TMTC2: variants seen among roughly 807,000 people sequenced by gnomAD.
TMTC2 encodes the protein protein O-mannosyl-transferase TMTC2.
Under a neutral mutation model 82.4 loss-of-function variants are expected in TMTC2, and 43 were observed. That is an observed-to-expected ratio of 0.52 (90% CI 0.41 to 0.67). The LOEUF is 0.67. Ranked by LOEUF, TMTC2 falls within the 30% of genes least tolerant of loss-of-function variation. TMTC2 has a pLI of 0.00. For synonymous variants in TMTC2, 408 were observed against 381.9 expected (o/e 1.07, Z -0.80); for missense variants, 919 against 1,012.4 (o/e 0.91, Z 1.25).
chr12:83,036,294 T>G (rs1056052416), intron 9 of TMTC2, among the ~76,000 whole-genome samples: 3 of 152,086 alleles, frequency 2.0e-5, no homozygotes, highest in African/African-American at 7.2e-5. Flanking sequence ...ATTGTAAAAA[T>G]AGTAGTTTAA....
At chr12:82,955,672 G>T (rs548369903) in intron 4 of TMTC2, among the ~76,000 whole-genome samples, 3 of 152,096 alleles carry the variant, frequency 2.0e-5, no homozygotes, top group Admixed American at 1.3e-4. Flanking sequence ...TTAGGTCTTA[G>T]AAATAGTAGT....
chr12:82,991,934 A>G (rs1879419664), intron 8 of TMTC2, among the ~76,000 whole-genome samples: 1 of 152,190 alleles, frequency 6.6e-6, no homozygotes, highest in Non-Finnish European at 1.5e-5. Flanking sequence ...TAAAATTAAT[A>G]TTGACTTAAA....
intron 7 of TMTC2, among the ~76,000 whole-genome samples, chr12:82,983,118 A>G (rs963833691): frequency 1.3e-5 from 2 of 152,052 alleles, no homozygotes; most frequent in Non-Finnish European, 2.9e-5. Context: ...GTGTGGAGTA[A>G]GAGGAGTGGG....
At chr12:82,697,188 CA>C (rs1221437230) in intron 1 of TMTC2, among the ~76,000 whole-genome samples, 2 of 151,294 alleles carry the variant, frequency 1.3e-5, no homozygotes, top group African/African-American at 4.9e-5. Context: ...TACTAAAATA[CA>C]AAAAATTAAC....
intron 10 of TMTC2, among the ~76,000 whole-genome samples, 154 bp downstream of exon 10, chr12:83,051,172 A>T (rs1467105764): frequency 2.6e-5 from 4 of 152,216 alleles, no homozygotes; most frequent in Admixed American, 2.6e-4. Flanking sequence ...TATTCATTAT[A>T]GGCTATTCAA....
chr12:83,027,892 C>T (rs1881247961), intron 8 of TMTC2, among the ~76,000 whole-genome samples: 1 of 152,108 alleles, frequency 6.6e-6, no homozygotes, highest in South Asian at 2.1e-4. Context: ...GATTTTACTA[C>T]CCTGTTTACT....
chr12:82,992,751 A>G (rs1879452541), intron 8 of TMTC2, among the ~76,000 whole-genome samples: 1 of 152,102 alleles, frequency 6.6e-6, no homozygotes, highest in African/African-American at 2.4e-5. Context: ...TGATTATTCT[A>G]CTTGCTGTCA....
At chr12:82,900,907 A>C in intron 3 of TMTC2, among the ~76,000 whole-genome samples, 1 of 103,510 alleles carries the variant, frequency 9.7e-6, no homozygotes, top group Non-Finnish European at 1.7e-5. Flanking sequence ...TATATATAGG[A>C]ATATATATAT....
intron 2 of TMTC2, among the ~76,000 whole-genome samples, chr12:82,874,756 A>G (rs966952062): frequency 1.3e-5 from 2 of 152,100 alleles, no homozygotes; most frequent in Non-Finnish European, 2.9e-5. Context: ...AATTCTTAAC[A>G]AATATGGAAT....
At chr12:82,779,504 G>T (rs1415289538) in intron 1 of TMTC2, among the ~76,000 whole-genome samples, 3 of 152,114 alleles carry the variant, frequency 2.0e-5, no homozygotes, top group African/African-American at 7.2e-5. Flanking sequence ...GTTATTCTAT[G>T]ATCAACAAGT....
intron 1 of TMTC2, among the ~76,000 whole-genome samples, chr12:82,786,570 A>G (rs906619794): frequency 8.5e-5 from 13 of 152,120 alleles, no homozygotes; most frequent in Admixed American, 5.9e-4. Flanking sequence ...TTTGGGGTAA[A>G]AAAATGAGCA....
chr12:82,895,129 A>C (rs1873593944), intron 2 of TMTC2, among the ~76,000 whole-genome samples: 1 of 151,920 alleles, frequency 6.6e-6, no homozygotes, highest in Non-Finnish European at 1.5e-5. Context: ...AAGTAATTTT[A>C]TTTTTAAAAG....
rs149130970 is a variant in TMTC2 at position 82,716,822 on chromosome 12, G to C, written c.83+29153G>C. On this transcript the variant is annotated intron_variant, in intron 1 of 11. Coordinates refer to ENST00000321196, the MANE Select transcript of TMTC2 (RefSeq NM_152588.3). ...AATAGAAAATGATAACATTGACACA[G>C]AAAGCCAAGACTTAAGGTTAGTGAA... is the stretch of plus-strand genomic sequence containing the variant. Among the ~76,000 whole-genome samples, 1,165 of 152,300 alleles carry C rather than the reference G, an allele frequency of 7.6e-3. 9 individuals carry two copies. The highest frequency in any genetic ancestry group is 0.011 in the Non-Finnish European group (748 of 68,032).
At position 82,965,004 on chromosome 12, in the gene TMTC2, T is replaced by C. The variant is rs768782925; in HGVS notation, c.1599-20T>C. The C allele has an allele frequency of 5.7e-6, 9 of 1,583,268 alleles. No individual in the cohort carries two copies. The Admixed American group carries it at 1.6e-4, about 28-fold the overall frequency. On this transcript the variant is annotated intron_variant, in intron 4 of 11. Coordinates refer to ENST00000321196, the MANE Select transcript of TMTC2 (RefSeq NM_152588.3). ...ATAATAATACAGTCCTTTCTCTAAA[T>C]TTCTGTTTTCCTCATGCAGAGGGCT...
intron 4 of TMTC2, among the ~76,000 whole-genome samples, chr12:82,942,267 A>G (rs1876763737): frequency 6.6e-6 from 1 of 152,232 alleles, no homozygotes; most frequent in African/African-American, 2.4e-5. Flanking sequence ...TTTGTTAATC[A>G]GAAAAAATTA....
intron 1 of TMTC2, among the ~76,000 whole-genome samples, chr12:82,853,043 T>G (rs1871064637): frequency 6.6e-6 from 1 of 152,220 alleles, no homozygotes; most frequent in South Asian, 2.1e-4. Context: ...CCTTCATTTT[T>G]GTTTTATTAA....
intron 11 of TMTC2, among the ~76,000 whole-genome samples, chr12:83,124,356 T>C (rs896435044): frequency 6.6e-6 from 1 of 152,194 alleles, no homozygotes; most frequent in African/African-American, 2.4e-5. Context: ...AAACATTCAT[T>C]GAGAGTTTAT....
At chr12:82,973,581 T>C (rs568725956) in intron 7 of TMTC2, among the ~76,000 whole-genome samples, 62 of 152,348 alleles carry the variant, frequency 4.1e-4, no homozygotes, top group African/African-American at 1.4e-3. Context: ...TTTTAAAATA[T>C]ATTTTTCTAC....
chr12:82,953,140 C>A (rs1002861086), intron 4 of TMTC2, among the ~76,000 whole-genome samples: 6 of 152,158 alleles, frequency 3.9e-5, no homozygotes, highest in Non-Finnish European at 7.3e-5. Flanking sequence ...TTACAGCTAG[C>A]AGCAAAGAGG....
Sources: gnomAD v4.1 joint callset for allele counts (sites outside exome capture counted in the v4.1 genomes callset) on GRCh38, gnomAD v4.1.1 for gene constraint, MANE v1.5 for transcripts, NCBI Gene and HGNC (gene_info 2026-07-23, HGNC 2026-07-21) for gene names.